LOC128092252: variants seen among roughly 807,000 people sequenced by gnomAD.
At chr15:50,649,495 G>A in the LOC128092252 span, among the ~76,000 whole-genome samples, 2 of 151,384 alleles carry the variant, frequency 1.3e-5, no homozygotes, top group African/African-American at 4.8e-5. Flanking sequence ...AAAGAGAAGT[G>A]AATGAACCAC....
the LOC128092252 span, among the ~76,000 whole-genome samples, chr15:50,663,450 T>C: frequency 9.9e-4 from 150 of 152,244 alleles, no homozygotes; most frequent in Non-Finnish European, 1.8e-3. Flanking sequence ...TACTACATAA[T>C]TTTTTATTTA....
the LOC128092252 span, among the ~76,000 whole-genome samples, chr15:50,680,211 G>A: frequency 6.6e-6 from 1 of 150,804 alleles, no homozygotes; most frequent in African/African-American, 2.4e-5. Flanking sequence ...TCCAGCCTGG[G>A]TGACAGAGCA....
the LOC128092252 span, among the ~76,000 whole-genome samples, chr15:50,655,313 A>G: frequency 6.6e-6 from 1 of 151,078 alleles, no homozygotes; most frequent in Non-Finnish European, 1.5e-5. Flanking sequence ...TGCGTCTGTA[A>G]TCCCAGCTAC....
chr15:50,680,281 G>A, the LOC128092252 span, among the ~76,000 whole-genome samples: 6 of 151,838 alleles, frequency 4.0e-5, no homozygotes, highest in African/African-American at 4.8e-5. Flanking sequence ...AGACTAATGC[G>A]TGTAATCCCA....
the LOC128092252 span, among the ~76,000 whole-genome samples, chr15:50,669,855 G>A: frequency 2.4e-4 from 37 of 152,160 alleles, no homozygotes; most frequent in Admixed American, 3.9e-4. Context: ...TACAATCAGC[G>A]ATCCCTTATC....
At chr15:50,679,530 ATATATATATTTT>A in the LOC128092252 span, among the ~76,000 whole-genome samples, 1 of 44,834 alleles carries the variant, frequency 2.2e-5, no homozygotes, top group South Asian at 7.4e-4. Flanking sequence ...ATATATATAT[ATATATATATTTT>A]TTTTTTTTTT....
the LOC128092252 span, among the ~76,000 whole-genome samples, chr15:50,671,167 T>C: frequency 1.3e-5 from 2 of 152,176 alleles, no homozygotes; most frequent in Non-Finnish European, 2.9e-5. Context: ...TCTTCCTAAC[T>C]GAAATTTTGC....
At chr15:50,657,753 T>C in the LOC128092252 span, 1 of 1,603,118 alleles carries the variant, frequency 6.2e-7, no homozygotes, top group South Asian at 1.1e-5. Flanking sequence ...TTTCCGAAAT[T>C]TGTGCGGTAT....
the LOC128092252 span, chr15:50,686,567 A>C: frequency 1.2e-6 from 2 of 1,601,748 alleles, no homozygotes; most frequent in East Asian, 2.3e-5. Flanking sequence ...AAGGGCAGCA[A>C]CTCCACCTCC....
the LOC128092252 span, among the ~76,000 whole-genome samples, chr15:50,673,756 T>C: frequency 1.3e-5 from 2 of 152,292 alleles, no homozygotes; most frequent in East Asian, 3.9e-4. Context: ...CAAGTATCTT[T>C]TTCTTATAAT....
the LOC128092252 span, among the ~76,000 whole-genome samples, chr15:50,652,328 C>CAAAAAAAAAA: frequency 2.3e-4 from 8 of 34,230 alleles, no homozygotes; most frequent in African/African-American, 2.9e-4. Context: ...GACTCCATCT[C>CAAAAAAAAAA]AAAAAAAAAA....
the LOC128092252 span, chr15:50,686,428 G>A: frequency 5.7e-4 from 900 of 1,592,532 alleles, 8 homozygotes; most frequent in East Asian, 0.017. Context: ...AGGGTCCTTC[G>A]CCGCATGGAA....
the LOC128092252 span, among the ~76,000 whole-genome samples, chr15:50,669,049 G>A: frequency 6.6e-6 from 1 of 152,124 alleles, no homozygotes; most frequent in South Asian, 2.1e-4. Flanking sequence ...CTTTTTGACA[G>A]GCCCAGGAGC....
chr15:50,679,459 C>A, the LOC128092252 span, among the ~76,000 whole-genome samples: 1 of 130,938 alleles, frequency 7.6e-6, no homozygotes, highest in Admixed American at 7.5e-5. Flanking sequence ...TAGGTTTCTA[C>A]AGGTTTTATT....
chr15:50,665,468 G>A, the LOC128092252 span, among the ~76,000 whole-genome samples: 1 of 151,508 alleles, frequency 6.6e-6, no homozygotes. Flanking sequence ...CTGGGTATCT[G>A]GCAGATCATA....
chr15:50,669,994 T>G, the LOC128092252 span, among the ~76,000 whole-genome samples: 1 of 152,228 alleles, frequency 6.6e-6, no homozygotes, highest in African/African-American at 2.4e-5. Flanking sequence ...GAATGCAGGA[T>G]AAGCTTACTG....
chr15:50,658,942 T>C, the LOC128092252 span, among the ~76,000 whole-genome samples: 1 of 152,212 alleles, frequency 6.6e-6, no homozygotes, highest in Non-Finnish European at 1.5e-5. Flanking sequence ...CTCACGCCTG[T>C]AATGCCAGCA....
the LOC128092252 span, among the ~76,000 whole-genome samples, chr15:50,657,305 C>A: frequency 2.0e-5 from 3 of 152,182 alleles, no homozygotes; most frequent in East Asian, 5.8e-4. Flanking sequence ...GCCTGGGTAA[C>A]AGAGCAAGAC....
the LOC128092252 span, among the ~76,000 whole-genome samples, chr15:50,682,197 G>C: frequency 3.4e-3 from 214 of 62,590 alleles, no homozygotes; most frequent in African/African-American, 0.012. Flanking sequence ...AAAAAGGACT[G>C]TGACCTGGCA....
Sources: allele counts gnomAD v4.1 joint callset (sites outside exome capture counted in the v4.1 genomes callset), GRCh38; gene constraint gnomAD v4.1.1; transcripts MANE v1.5.